Variants in ESR1 observed in about 807,000 individuals in gnomAD.
The protein encoded by ESR1 is estrogen receptor.
A neutral mutation model predicts 52.7 loss-of-function variants in ESR1; 12 were observed. That is an observed-to-expected ratio of 0.23 (90% CI 0.15 to 0.37). The LOEUF (loss-of-function observed/expected upper bound fraction) is 0.37, where lower values mean the gene tolerates loss of function less well. Ranked by LOEUF, ESR1 falls within the 10% of genes least tolerant of loss-of-function variation. The probability of loss-of-function intolerance (pLI) is 1.00; values close to 1 mark genes in which losing one functional copy is unlikely to be tolerated. For synonymous variants in ESR1, 305 were observed against 316.8 expected, an observed-to-expected ratio of 0.96 and a Z score of 0.39; for missense variants, 584 against 779.7, an observed-to-expected ratio of 0.75 and a Z score of 2.99.
At chr6:152,109,767 T>C (rs2051109645) in intron 6 of ESR1, among the ~76,000 whole-genome samples, 1 of 152,164 alleles carries the variant, frequency 6.6e-6, no homozygotes, top group Non-Finnish European at 1.5e-5. Flanking sequence ...AGAGAAAAGA[T>C]GTTCGTTCAA....
chr6:151,707,091 T>C (rs1459432801), intron 2 of ESR1, among the ~76,000 whole-genome samples: 1 of 152,204 alleles, frequency 6.6e-6, no homozygotes, highest in East Asian at 1.9e-4. Flanking sequence ...AGGCTGTGCC[T>C]CTGAACATGT....
chr6:151,769,891 G>T (rs1785367228), intron 2 of ESR1, among the ~76,000 whole-genome samples: 1 of 152,166 alleles, frequency 6.6e-6, no homozygotes, highest in Non-Finnish European at 1.5e-5. Flanking sequence ...AGCCAGGCAT[G>T]GTGGCACGCG....
intron 5 of ESR1, among the ~76,000 whole-genome samples, chr6:152,014,670 G>T (rs2043031706): frequency 6.6e-6 from 1 of 151,956 alleles, no homozygotes; most frequent in South Asian, 2.1e-4. Context: ...TCTGAATCCA[G>T]ACCTCCCCTC....
chr6:152,033,369 G>A (rs1030328461), intron 5 of ESR1, among the ~76,000 whole-genome samples: 1 of 152,058 alleles, frequency 6.6e-6, no homozygotes, highest in African/African-American at 2.4e-5. Context: ...CTACAGAATG[G>A]GAGAAAATCT....
At chr6:152,039,309 G>C (rs1284524700) in intron 5 of ESR1, among the ~76,000 whole-genome samples, 1 of 152,098 alleles carries the variant, frequency 6.6e-6, no homozygotes, top group Non-Finnish European at 1.5e-5. Context: ...GTAATACTAA[G>C]AGACACCCTA....
chr6:152,013,237 CTCTT>C (rs532202048), intron 5 of ESR1, among the ~76,000 whole-genome samples: 1 of 151,708 alleles, frequency 6.6e-6, no homozygotes, highest in Admixed American at 6.6e-5. Flanking sequence ...CTTTGCTTTC[CTCTT>C]TCTTTCTTTC....
intron 1 of ESR1, among the ~76,000 whole-genome samples, chr6:151,830,862 T>A (rs1288875498): frequency 6.6e-6 from 1 of 152,218 alleles, no homozygotes; most frequent in Admixed American, 6.5e-5. Context: ...TGAATGCTAA[T>A]GTTCTTTGTG....
intron 2 of ESR1, among the ~76,000 whole-genome samples, chr6:151,756,500 T>C (rs532776970): frequency 9.2e-5 from 14 of 152,252 alleles, no homozygotes; most frequent in African/African-American, 2.6e-4. Context: ...AAAGTGCTGG[T>C]ATTACTTTCT....
chr6:152,033,312 G>C (rs937190973), intron 5 of ESR1, among the ~76,000 whole-genome samples: 2 of 152,046 alleles, frequency 1.3e-5, no homozygotes, highest in Admixed American at 6.6e-5. Context: ...AAACTAAAGA[G>C]CTTCTGCACA....
intron 4 of ESR1, among the ~76,000 whole-genome samples, chr6:152,002,905 A>G (rs769381703): frequency 5.3e-5 from 8 of 152,064 alleles, no homozygotes; most frequent in Non-Finnish European, 8.8e-5. Context: ...ACAAAATTTC[A>G]TAATATCTAC....
chr6:151,967,141 G>C (rs2038359604), intron 4 of ESR1, among the ~76,000 whole-genome samples: 1 of 152,060 alleles, frequency 6.6e-6, no homozygotes, highest in African/African-American at 2.4e-5. Context: ...CAATCTCTCA[G>C]GATGGAAAAG....
chr6:151,898,970 G>A lies in ESR1; in HGVS notation c.760+18199G>A, dbSNP rs377014585. 4.9e-4 allele frequency among the ~76,000 whole-genome samples: 74 copies of A among 152,098 alleles called. No homozygotes were observed. The East Asian group carries it at 0.011, about 22-fold the overall frequency. On this transcript the variant is annotated intron_variant, in intron 3 of 7. Coordinates refer to ENST00000206249, the MANE Select transcript of ESR1 (RefSeq NM_000125.4). ...AGAGCGGCTCCTCACTTCCCAGTAG[G>A]GGCGGCCGGGCAGAGGCGCCCCTCA...
chr6:151,760,249 G>C (rs987019993), intron 2 of ESR1, among the ~76,000 whole-genome samples: 2 of 152,092 alleles, frequency 1.3e-5, no homozygotes, highest in African/African-American at 2.4e-5. Context: ...GGTCACAGTC[G>C]TGTTCCACAC....
At chr6:151,952,497 A>G (rs1246049656) in intron 4 of ESR1, among the ~76,000 whole-genome samples, 2 of 151,868 alleles carry the variant, frequency 1.3e-5, no homozygotes, top group Non-Finnish European at 2.9e-5. Context: ...TTCCCTGCCC[A>G]TTTTTTCTCC....
At chr6:152,114,657 C>A (rs903678618) in intron 6 of ESR1, among the ~76,000 whole-genome samples, 1 of 151,662 alleles carries the variant, frequency 6.6e-6, no homozygotes, top group Admixed American at 6.6e-5. Context: ...TTTGGGAGGC[C>A]GAGGCGGGCG....
At chr6:152,079,847 A>G (rs9479207) in intron 6 of ESR1, among the ~76,000 whole-genome samples, 32,092 of 152,154 alleles carry the variant, frequency 0.21, 4,776 homozygotes, top group African/African-American at 0.41. Context: ...TGATGTATGC[A>G]CAAGCTTCGA....
chr6:151,692,046 G>A (rs148476486), intron 1 of ESR1, among the ~76,000 whole-genome samples: 3 of 152,282 alleles, frequency 2.0e-5, no homozygotes, highest in East Asian at 1.9e-4. Context: ...TACAAGCGTC[G>A]TATTTACGAG....
intron 2 of ESR1, among the ~76,000 whole-genome samples, chr6:151,710,350 G>C (rs1247132651): frequency 6.6e-6 from 1 of 151,492 alleles, no homozygotes; most frequent in African/African-American, 2.4e-5. Flanking sequence ...TCAAAATGAA[G>C]ATGCTCCAAC....
intron 2 of ESR1, among the ~76,000 whole-genome samples, chr6:151,860,161 T>A (rs1265043903): frequency 6.6e-6 from 1 of 152,186 alleles, no homozygotes; most frequent in Non-Finnish European, 1.5e-5. Flanking sequence ...ATTGTATATA[T>A]TTAAGGTGTA....
Sources: allele counts gnomAD v4.1 joint callset (sites outside exome capture counted in the v4.1 genomes callset), GRCh38; gene constraint gnomAD v4.1.1; transcripts MANE v1.5; gene names NCBI Gene and HGNC (gene_info 2026-07-23, HGNC 2026-07-21).